Variants in MSH3 observed in about 807,000 individuals in gnomAD.
The protein encoded by MSH3 is mutS homolog 3, also known as DNA mismatch repair protein Msh3.
MSH3 carries 106 observed loss-of-function variants against 123.3 expected under a neutral mutation model. The observed-to-expected ratio is 0.86, with a 90% CI of 0.73 to 1.01. MSH3 has a LOEUF of 1.01. Among genes scored for constraint, MSH3 ranks in the 50% least tolerant of loss-of-function variants. MSH3 has a pLI of 0.00. For missense variants in MSH3, 1,459 were observed against 1,347.6 expected, an observed-to-expected ratio of 1.08 and a Z score of -1.29; for synonymous variants, 515 against 481.4, an observed-to-expected ratio of 1.07 and a Z score of -0.91.
intron 19 of MSH3, among the ~76,000 whole-genome samples, chr5:80,798,912 G>A (rs1292209331): frequency 1.3e-5 from 2 of 152,032 alleles, no homozygotes; most frequent in African/African-American, 4.8e-5. Context: ...ACCATCCTCT[G>A]GCCAGAAAAA....
intron 8 of MSH3, among the ~76,000 whole-genome samples, chr5:80,723,302 A>G (rs1751126719): frequency 6.6e-6 from 1 of 152,106 alleles, no homozygotes; most frequent in Admixed American, 6.5e-5. Flanking sequence ...TGGTCGTGAT[A>G]CAGAGATAGA....
intron 8 of MSH3, among the ~76,000 whole-genome samples, chr5:80,683,117 C>T (rs1404176189): frequency 6.6e-6 from 1 of 152,168 alleles, no homozygotes; most frequent in Non-Finnish European, 1.5e-5. Context: ...CTGACAGACA[C>T]CTGGGTGCTC....
intron 8 of MSH3, among the ~76,000 whole-genome samples, chr5:80,707,104 G>T (rs1314877906): frequency 6.6e-6 from 1 of 152,216 alleles, no homozygotes; most frequent in Non-Finnish European, 1.5e-5. Context: ...GACTGTTTTA[G>T]AATTTCACAT....
chr5:80,706,171 G>T (rs1650736), intron 8 of MSH3, among the ~76,000 whole-genome samples: 18,514 of 152,198 alleles, frequency 0.12, 1,306 homozygotes, highest in Middle Eastern at 0.2. Context: ...TTTGGAAACA[G>T]CTCCTTCTTG....
chr5:80,749,696 TCAAA>T (rs576387498), intron 12 of MSH3, among the ~76,000 whole-genome samples: 17 of 152,312 alleles, frequency 1.1e-4, no homozygotes, highest in Admixed American at 7.2e-4. Flanking sequence ...ATCTATCACC[TCAAA>T]CATTTATCAT....
chr5:80,703,994 C>T (rs188565877), intron 8 of MSH3, among the ~76,000 whole-genome samples: 4 of 152,156 alleles, frequency 2.6e-5, no homozygotes, highest in Non-Finnish European at 4.4e-5. Flanking sequence ...GTATGTCCTG[C>T]GAGATTTGGC....
chr5:80,847,279 C>G (rs2112098452), intron 20 of MSH3, among the ~76,000 whole-genome samples: 1 of 152,038 alleles, frequency 6.6e-6, no homozygotes, highest in Non-Finnish European at 1.5e-5. Context: ...AGGCTGGTCT[C>G]AAACTCCTGA....
chr5:80,745,392 G>A (rs1158614678), intron 12 of MSH3, among the ~76,000 whole-genome samples: 1 of 152,192 alleles, frequency 6.6e-6, no homozygotes, highest in Non-Finnish European at 1.5e-5. Context: ...AATGAAAATT[G>A]TTATTTATTG....
chr5:80,693,569 A>C (rs1420827811), intron 8 of MSH3, among the ~76,000 whole-genome samples: 1 of 149,600 alleles, frequency 6.7e-6, no homozygotes, highest in African/African-American at 2.4e-5. Context: ...TTATATAAAT[A>C]TATATGCACA....
rs534899225 is a variant in MSH3, at chr5:80,863,106, G to T, written c.3001-1707G>T. On this transcript the variant is annotated intron_variant, in intron 21 of 23. Coordinates refer to ENST00000265081, the MANE Select transcript of MSH3 (RefSeq NM_002439.5). ...CAGATAATCAAATTTGGCATCCCCA[G>T]TTATGTAAAACTGATATCACGTCCC... 2.4e-3 allele frequency among the ~76,000 whole-genome samples: 366 copies of T among 152,316 alleles called. 4 individuals are homozygous for T. Among genetic ancestry groups the T allele is most frequent in the African/African-American group, 8.3e-3 (345 of 41,582 alleles).
intron 22 of MSH3, among the ~76,000 whole-genome samples, chr5:80,868,409 C>G (rs1746141997): frequency 6.6e-6 from 1 of 151,342 alleles, no homozygotes; most frequent in South Asian, 2.1e-4. Context: ...AAATGTGGTA[C>G]AAATACACTG....
At chr5:80,819,446 ATGTGTG>A (rs35865568) in intron 20 of MSH3, among the ~76,000 whole-genome samples, 4 of 136,786 alleles carry the variant, frequency 2.9e-5, no homozygotes, top group Admixed American at 7.6e-5. Flanking sequence ...ATATATGTAT[ATGTGTG>A]TGTGTGTGTG....
At chr5:80,805,118 G>T (rs1744864241) in intron 19 of MSH3, among the ~76,000 whole-genome samples, 1 of 152,204 alleles carries the variant, frequency 6.6e-6, no homozygotes, top group African/African-American at 2.4e-5. Context: ...TTGTTCTAGT[G>T]TAACAACTTT....
chr5:80,655,284 C>CTT, intron 1 of MSH3: 6 of 228,744 alleles, frequency 2.6e-5, no homozygotes, highest in Non-Finnish European at 4.2e-5. Context: ...AACCTCCATC[C>CTT]TTTTTTTTTT....
chr5:80,675,271 T>C (rs1580554020), intron 7 of MSH3, 143 bp downstream of exon 7: 1 of 1,001,638 alleles, frequency 1.0e-6, no homozygotes, highest in Non-Finnish European at 1.5e-6. Context: ...TCTCACAATA[T>C]TATATGTTAA....
chr5:80,873,094 A>T lies in MSH3; in HGVS notation c.3131-22A>T. The T allele has an allele frequency of 2.5e-6, 4 of 1,607,218 alleles. No homozygotes were observed. In the South Asian group the frequency reaches 4.4e-5, roughly 18 times the overall value. The stretch of plus-strand genomic sequence containing the variant: ...ATTTCAGCTTTCAGGCACAGTTTTG[A>T]TCTCCTTTCTTTATTTCACAGGCGC... On this transcript the variant is annotated intron_variant, in intron 22 of 23. Transcript: ENST00000265081.
chr5:80,671,458 T>C (rs950160630), intron 4 of MSH3, among the ~76,000 whole-genome samples: 1 of 152,216 alleles, frequency 6.6e-6, no homozygotes, highest in Non-Finnish European at 1.5e-5. Context: ...TCTGTGATAT[T>C]AAATTAGGCT....
intron 19 of MSH3, among the ~76,000 whole-genome samples, chr5:80,802,026 A>G (rs1325357030): frequency 1.3e-5 from 2 of 152,222 alleles, no homozygotes; most frequent in East Asian, 3.8e-4. Context: ...TCAATGAACA[A>G]ATGGTTGTTA....
intron 19 of MSH3, among the ~76,000 whole-genome samples, chr5:80,796,515 GAGAA>G (rs1744701778): frequency 1.3e-5 from 2 of 151,942 alleles, no homozygotes; most frequent in South Asian, 4.2e-4. Flanking sequence ...GGATAGTGTT[GAGAA>G]AGAACTTACG....
Sources: allele counts gnomAD v4.1 joint callset (sites outside exome capture counted in the v4.1 genomes callset), GRCh38; gene constraint gnomAD v4.1.1; transcripts MANE v1.5; gene names NCBI Gene and HGNC (gene_info 2026-07-23, HGNC 2026-07-21).